Variants in PTPRK observed in about 807,000 individuals in gnomAD.
PTPRK encodes the protein protein tyrosine phosphatase receptor type K.
Under a neutral mutation model 178.0 loss-of-function variants are expected in PTPRK, and 75 were observed. The observed-to-expected ratio is 0.42, with a 90% CI of 0.35 to 0.51. The LOEUF (loss-of-function observed/expected upper bound fraction) is 0.51, where lower values mean the gene tolerates loss of function less well. Ranked by LOEUF, PTPRK falls within the 20% of genes least tolerant of loss-of-function variation. The probability of loss-of-function intolerance (pLI) is 0.02; values close to 1 mark genes in which losing one functional copy is unlikely to be tolerated. For missense variants in PTPRK, 1,441 were observed against 1,797.8 expected, an observed-to-expected ratio of 0.80 and a Z score of 3.59; for synonymous variants, 637 against 620.6, an observed-to-expected ratio of 1.03 and a Z score of -0.39.
At chr6:128,466,816 A>C (rs1182499317) in intron 1 of PTPRK, among the ~76,000 whole-genome samples, 1 of 152,198 alleles carries the variant, frequency 6.6e-6, no homozygotes, top group Non-Finnish European at 1.5e-5. Context: ...AATATACATA[A>C]ATTTTAAATG....
At chr6:128,241,253 C>A (rs1267467228) in intron 4 of PTPRK, 2 of 533,194 alleles carry the variant, frequency 3.8e-6, no homozygotes, top group Non-Finnish European at 7.7e-6. Context: ...ATAAGGAATT[C>A]TTGAGTTAGA....
rs201597116 is a variant in PTPRK at position 128,278,123 on chromosome 6, TTTTATTTATTTATTTA to T, written c.496-35537_496-35522del. Among the ~76,000 whole-genome samples, 639 of 143,710 alleles carry T rather than the reference TTTTATTTATTTATTTA, an allele frequency of 4.4e-3. 5 individuals carry two copies. The highest frequency in any genetic ancestry group is 0.013 in the African/African-American group (494 of 38,814). The allele number at this position is 143,710 out of a possible 152,430, so 94.3% of individuals were successfully genotyped here. ...GAAACAATGCAGGTGTTTTTGTGTTTTTTATTTATTTATTTATTTATTTATTTATTTATTTATTTAT... is the reference window on the plus strand; with the variant it reads ...GAAACAATGCAGGTGTTTTTGTGTTTTTTATTTATTTATTTATTTATTTAT... On this transcript the variant is annotated intron_variant, in intron 3 of 29. Transcript: ENST00000368226.
chr6:128,177,820 G>A (rs1310305967), intron 7 of PTPRK, among the ~76,000 whole-genome samples: 1 of 151,712 alleles, frequency 6.6e-6, no homozygotes, highest in Non-Finnish European at 1.5e-5. Flanking sequence ...TTATAAGTCA[G>A]TCTGTCTCTG....
chr6:128,452,765 A>G (rs960583320), intron 1 of PTPRK, among the ~76,000 whole-genome samples: 1 of 152,204 alleles, frequency 6.6e-6, no homozygotes, highest in East Asian at 1.9e-4. Flanking sequence ...TAATTGGGCC[A>G]TATTCTATAA....
intron 1 of PTPRK, among the ~76,000 whole-genome samples, chr6:128,415,285 T>G (rs982494226): frequency 6.6e-6 from 1 of 152,192 alleles, no homozygotes; most frequent in Non-Finnish European, 1.5e-5. Context: ...AAAAAATGTT[T>G]TTCTCTAGGA....
chr6:128,091,771 C>A (rs548870531), intron 7 of PTPRK, among the ~76,000 whole-genome samples: 10 of 152,218 alleles, frequency 6.6e-5, no homozygotes, highest in African/African-American at 2.4e-4. Context: ...ACATTTTCCC[C>A]TTGTATAAAT....
At chr6:127,990,446 G>A (rs1776474794) in intron 21 of PTPRK, among the ~76,000 whole-genome samples, 1 of 151,892 alleles carries the variant, frequency 6.6e-6, no homozygotes, top group Non-Finnish European at 1.5e-5. Context: ...TTCTTACCCT[G>A]CCTAAATAAT....
At chr6:127,994,809 G>A (rs1469699956) in intron 18 of PTPRK, among the ~76,000 whole-genome samples, 1 of 151,772 alleles carries the variant, frequency 6.6e-6, no homozygotes, top group Non-Finnish European at 1.5e-5. Flanking sequence ...TTTTGCCTGA[G>A]TAATTTTATT....
intron 7 of PTPRK, among the ~76,000 whole-genome samples, chr6:128,177,727 A>T (rs527671646): frequency 2.0e-5 from 3 of 151,818 alleles, no homozygotes; most frequent in Non-Finnish European, 2.9e-5. Context: ...AGGCTATTTC[A>T]TATTTGTTCA....
At chr6:128,447,628 CTT>C (rs35289749) in intron 1 of PTPRK, among the ~76,000 whole-genome samples, 36 of 138,412 alleles carry the variant, frequency 2.6e-4, no homozygotes, top group Non-Finnish European at 2.4e-4. Flanking sequence ...AAAACCGTGC[CTT>C]TTTTTTTTTT....
At chr6:128,248,910 C>T (rs540426969) in intron 3 of PTPRK, among the ~76,000 whole-genome samples, 3 of 152,144 alleles carry the variant, frequency 2.0e-5, no homozygotes, top group Non-Finnish European at 2.9e-5. Flanking sequence ...AATTTGGTAG[C>T]GAGTATTTGT....
chr6:127,999,157 A>C (rs185070860), intron 15 of PTPRK, among the ~76,000 whole-genome samples: 17 of 152,108 alleles, frequency 1.1e-4, no homozygotes, highest in Admixed American at 1.1e-3. Flanking sequence ...CATCTGATAG[A>C]CCTTTTAAAA....
At chr6:128,108,787 G>C (rs1167818492) in intron 7 of PTPRK, among the ~76,000 whole-genome samples, 4 of 151,998 alleles carry the variant, frequency 2.6e-5, no homozygotes, top group Non-Finnish European at 5.9e-5. Flanking sequence ...TCTGAGATTG[G>C]GGTGATAGCA....
At position 128,024,499 on chromosome 6, in the gene PTPRK, T is replaced by A. The variant is rs568775741; in HGVS notation, c.2195-15231A>T. Among the ~76,000 whole-genome samples the A allele has an allele frequency of 9.2e-5, 14 of 152,270 alleles. 1 individual carries two copies. The South Asian group carries it at 2.5e-3, about 27-fold the overall frequency. ...AAGTATGAAAATTAGTAATTTGACATTTTCTTAGTGTACAAAATGAGACCT... is the reference window on the plus strand; with the variant it reads ...AAGTATGAAAATTAGTAATTTGACAATTTCTTAGTGTACAAAATGAGACCT... On this transcript the variant is annotated intron_variant, in intron 13 of 29. Transcript: ENST00000368226.
intron 26 of PTPRK, 61 bp from the exon 27 acceptor site, chr6:127,976,843 G>T: frequency 6.2e-7 from 1 of 1,609,780 alleles, no homozygotes. Context: ...AGTTAGGAGA[G>T]TATAAAGCAG....
chr6:128,481,989 AT>A (rs1022609703), intron 1 of PTPRK, among the ~76,000 whole-genome samples: 2 of 152,114 alleles, frequency 1.3e-5, no homozygotes, highest in Non-Finnish European at 2.9e-5. Context: ...CTAATCAAAT[AT>A]GCTATCCCAA....
chr6:128,431,951 G>A (rs1438458792), intron 1 of PTPRK, among the ~76,000 whole-genome samples: 1 of 151,844 alleles, frequency 6.6e-6, no homozygotes, highest in Non-Finnish European at 1.5e-5. Context: ...TATTATTTAT[G>A]TTCTTACCCC....
intron 13 of PTPRK, among the ~76,000 whole-genome samples, chr6:128,012,617 T>C (rs1217055461): frequency 6.6e-6 from 1 of 151,356 alleles, no homozygotes; most frequent in African/African-American, 2.4e-5. Flanking sequence ...AAGGCACAAT[T>C]TTATTTTTAT....
chr6:128,415,894 G>T (rs369254826), intron 1 of PTPRK, among the ~76,000 whole-genome samples: 8 of 152,048 alleles, frequency 5.3e-5, no homozygotes, highest in Non-Finnish European at 1.0e-4. Flanking sequence ...AAAAATGGTG[G>T]TTGTGCTAAA....
Sources: allele counts gnomAD v4.1 joint callset (sites outside exome capture counted in the v4.1 genomes callset), GRCh38; gene constraint gnomAD v4.1.1; transcripts MANE v1.5; gene names NCBI Gene and HGNC (gene_info 2026-07-23, HGNC 2026-07-21).